Variants in SGK1 observed in about 807,000 individuals in gnomAD.
SGK1 encodes serum/glucocorticoid regulated kinase 1.
A neutral mutation model predicts 64.2 loss-of-function variants in SGK1; 26 were observed. The observed-to-expected ratio is 0.40, with a 90% CI of 0.30 to 0.56. The LOEUF is 0.56. SGK1 is among the 20% of genes least tolerant of loss of function. The pLI is 0.38. For missense variants in SGK1, 519 were observed against 645.6 expected (o/e 0.80, Z 2.12); for synonymous variants, 265 against 239.7 (o/e 1.11, Z -0.98).
chr6:134,237,548 G>A (rs1776383910), intron 2 of SGK1, among the ~76,000 whole-genome samples: 1 of 152,050 alleles, frequency 6.6e-6, no homozygotes, highest in East Asian at 1.9e-4. Context: ...GTGGTGGCAT[G>A]CGCCTGTGAT....
At chr6:134,241,999 C>T (rs1211196923) in intron 2 of SGK1, among the ~76,000 whole-genome samples, 1 of 151,952 alleles carries the variant, frequency 6.6e-6, no homozygotes, top group Non-Finnish European at 1.5e-5. Context: ...GCTTAATGAC[C>T]GAATGGTGTT....
chr6:134,301,523 TTTCTCTTTTC>T lies in SGK1; in HGVS notation c.69+15859_69+15868del, dbSNP rs1348259419. On this transcript the variant is annotated intron_variant, in intron 1 of 13. Transcript: ENST00000367858. Reference sequence around the variant, plus strand: ...AGGACCACCTTTTCTTCTCTTCTCTTTTCTCTTTTCTTCTCTTCTCTTCTCTTCTCTTCTC... The same window carrying T: ...AGGACCACCTTTTCTTCTCTTCTCTTTTCTCTTCTCTTCTCTTCTCTTCTC... 9.1e-3 allele frequency among the ~76,000 whole-genome samples: 1,250 copies of T among 136,900 alleles called. 10 individuals are homozygous for T. The highest frequency in any genetic ancestry group is 0.021 in the Middle Eastern group (6 of 280). The allele number at this position is 136,900 out of a possible 152,430, so 89.8% of individuals were successfully genotyped here. A position where few individuals can be genotyped will look rare whatever the true frequency, so the allele number is the denominator to read the frequency against.
intron 9 of SGK1, 162 bp downstream of exon 9, chr6:134,172,500 T>C (rs1008916117): frequency 1.0e-5 from 8 of 792,304 alleles, no homozygotes; most frequent in African/African-American, 1.7e-5. Context: ...ACTTGGCTGG[T>C]TCCCCCTTGG....
intron 1 of SGK1, among the ~76,000 whole-genome samples, chr6:134,305,776 T>C (rs866386665): frequency 2.2e-4 from 33 of 152,044 alleles, no homozygotes; most frequent in Middle Eastern, 3.4e-3. Context: ...CCTCCCAAAG[T>C]GCTGGAATTA....
chr6:134,174,705 G>A (rs746359084), intron 3 of SGK1, 119 bp from the exon 4 acceptor site: 1 of 1,614,024 alleles, frequency 6.2e-7, no homozygotes. Flanking sequence ...TCCTGGAGCA[G>A]AAGTCCCGCA....
intron 3 of SGK1, among the ~76,000 whole-genome samples, chr6:134,189,362 G>A (rs1037399593): frequency 1.3e-5 from 2 of 152,166 alleles, no homozygotes; most frequent in Middle Eastern, 3.4e-3. Context: ...ATAAGCTTTT[G>A]TATAAGACCA....
At chr6:134,246,775 TAG>T (rs1562263585) in intron 2 of SGK1, among the ~76,000 whole-genome samples, 3 of 151,702 alleles carry the variant, frequency 2.0e-5, no homozygotes, top group African/African-American at 7.3e-5. Context: ...GTATTTTTAG[TAG>T]AGACAGGGTT....
At chr6:134,228,841 C>CTTTTTTCTTTT (rs1776229419) in intron 2 of SGK1, among the ~76,000 whole-genome samples, 2 of 129,958 alleles carry the variant, frequency 1.5e-5, no homozygotes, top group African/African-American at 5.7e-5. Flanking sequence ...TGTAGTTGTT[C>CTTTTTTCTTTT]TTTTTTTTTT....
At position 134,204,466 on chromosome 6, in the gene SGK1, T is replaced by C. The variant is rs138940017; in HGVS notation, c.361+2890A>G. Among the ~76,000 whole-genome samples the C allele has an allele frequency of 2.7e-3, 211 of 77,444 alleles. 2 individuals are homozygous for C. Among genetic ancestry groups the C allele is most frequent in the African/African-American group, 6.0e-3 (182 of 30,394 alleles). The allele number at this position is 77,444 out of a possible 152,430, so 50.8% of individuals were successfully genotyped here. On this transcript the variant is annotated intron_variant, in intron 3 of 13. Coordinates refer to ENST00000367858, the MANE Select transcript of SGK1 (RefSeq NM_001143676.3). ...GCCTGGGCGACAGAGCAAGACTCCATCTCAGGAAAAAAAAAAAAAAAAAAG... is the reference window on the plus strand; with the variant it reads ...GCCTGGGCGACAGAGCAAGACTCCACCTCAGGAAAAAAAAAAAAAAAAAAG...
chr6:134,253,318 G>T lies in SGK1; in HGVS notation c.285+8615C>A, dbSNP rs186029969. Among the ~76,000 whole-genome samples, 1,338 of 150,576 alleles carry T rather than the reference G, an allele frequency of 8.9e-3. 22 individuals are homozygous for T. Among genetic ancestry groups the T allele is most frequent in the African/African-American group, 0.031 (1,280 of 41,012 alleles). ...CTTTTTTTTTTTTTCTTTTTGTGGA[G>T]AACGGGGTCTCGCTATATTGCCCAG... On this transcript the variant is annotated intron_variant, in intron 2 of 13. Coordinates refer to ENST00000367858, the MANE Select transcript of SGK1 (RefSeq NM_001143676.3).
chr6:134,251,986 G>T (rs1050057433), intron 2 of SGK1, among the ~76,000 whole-genome samples: 5 of 152,056 alleles, frequency 3.3e-5, no homozygotes, highest in African/African-American at 1.2e-4. Flanking sequence ...TGAACTTCTG[G>T]GCTCAAGCGA....
intron 2 of SGK1, among the ~76,000 whole-genome samples, chr6:134,228,342 T>G (rs1399644056): frequency 6.6e-6 from 1 of 152,084 alleles, no homozygotes; most frequent in Non-Finnish European, 1.5e-5. Flanking sequence ...TGTGGGAAAA[T>G]AGAGATGATA....
At chr6:134,289,857 G>A (rs1451278272) in intron 1 of SGK1, among the ~76,000 whole-genome samples, 2 of 151,862 alleles carry the variant, frequency 1.3e-5, no homozygotes, top group African/African-American at 4.8e-5. Context: ...AAATAAAAAA[G>A]TAGCTATGTG....
intron 1 of SGK1, among the ~76,000 whole-genome samples, chr6:134,280,672 G>T (rs943599373): frequency 6.6e-6 from 1 of 152,148 alleles, no homozygotes; most frequent in Admixed American, 6.5e-5. Flanking sequence ...TATGTTGCTT[G>T]TAATGCCAAG....
At chr6:134,243,504 G>T (rs1776479004) in intron 2 of SGK1, among the ~76,000 whole-genome samples, 1 of 151,976 alleles carries the variant, frequency 6.6e-6, no homozygotes, top group Non-Finnish European at 1.5e-5. Flanking sequence ...TAAGTAGCTG[G>T]GATTACAGGC....
intron 1 of SGK1, among the ~76,000 whole-genome samples, chr6:134,265,181 C>T (rs899481349): frequency 1.3e-5 from 2 of 152,014 alleles, no homozygotes; most frequent in African/African-American, 2.4e-5. Flanking sequence ...AACTATAGGC[C>T]GGGTGCAGTG....
At chr6:134,232,413 G>GAAA (rs79009962) in intron 2 of SGK1, among the ~76,000 whole-genome samples, 18,654 of 47,628 alleles carry the variant, frequency 0.39, 4,013 homozygotes, top group East Asian at 0.56. Flanking sequence ...AAGAAAGAAA[G>GAAA]AGAAAGAAAG....
chr6:134,207,441 A>C lies in SGK1; in HGVS notation c.286-10T>G. 1 of 1,592,908 alleles carries C rather than the reference A, an allele frequency of 6.3e-7. No homozygotes were observed. Among genetic ancestry groups the C allele is most frequent in the Non-Finnish European group, 8.6e-7 (1 of 1,161,822 alleles). On this transcript the variant is annotated splice_polypyrimidine_tract_variant and intron_variant, in intron 2 of 13. Coordinates refer to ENST00000367858, the MANE Select transcript of SGK1 (RefSeq NM_001143676.3). ...TACATGGCTCTCTCACCTTTAAAAC[A>C]TAAAGAGAAAAGAAGTGATATAAAA...
At chr6:134,217,199 G>A (rs747276700) in intron 2 of SGK1, among the ~76,000 whole-genome samples, 8 of 152,310 alleles carry the variant, frequency 5.3e-5, no homozygotes, top group South Asian at 2.1e-4. Flanking sequence ...AGAATGCTTT[G>A]CAAGACTTGA....
Sources: allele counts gnomAD v4.1 joint callset (sites outside exome capture counted in the v4.1 genomes callset), GRCh38; gene constraint gnomAD v4.1.1; transcripts MANE v1.5; gene names NCBI Gene and HGNC (gene_info 2026-07-23, HGNC 2026-07-21).